GLRA2: variants seen among roughly 807,000 people sequenced by gnomAD.
GLRA2 encodes the protein glycine receptor alpha 2.
GLRA2 carries 11 observed loss-of-function variants against 31.6 expected under a neutral mutation model. The observed-to-expected ratio is 0.35, with a 90% CI of 0.22 to 0.58. GLRA2 has a LOEUF of 0.58. Among genes scored for constraint, GLRA2 ranks in the 20% least tolerant of loss-of-function variants. The pLI is 0.84. For missense variants in GLRA2, 212 were observed against 351.8 expected (o/e 0.60, Z 3.18); for synonymous variants, 132 against 134.0 (o/e 0.99, Z 0.10).
At chrX:14,545,354 A>T (rs191916946) in intron 2 of GLRA2, among the ~76,000 whole-genome samples, 2 of 111,327 alleles carry the variant, frequency 1.8e-5, no homozygotes, top group East Asian at 5.8e-4. Flanking sequence ...GACTGAATTC[A>T]TCCTTTTATC....
intron 2 of GLRA2, among the ~76,000 whole-genome samples, chrX:14,565,758 T>A (rs899814230): frequency 6.3e-5 from 7 of 110,930 alleles, no homozygotes; most frequent in African/African-American, 2.3e-4. Context: ...AAAGAAGAAA[T>A]CACAAGGGAC....
At chrX:14,469,401 T>C in the GLRA2 span, among the ~76,000 whole-genome samples, 1 of 110,320 alleles carries the variant, frequency 9.1e-6, no homozygotes, top group African/African-American at 3.3e-5. Flanking sequence ...CACACGTATG[T>C]TTATTGTGGC....
intron 2 of GLRA2, among the ~76,000 whole-genome samples, chrX:14,564,246 G>A (rs1005297418): frequency 1.8e-5 from 2 of 110,091 alleles, no homozygotes; most frequent in Admixed American, 1.9e-4. Context: ...GGGATCCCTA[G>A]TAAGACTATC....
chrX:14,658,630 C>T (rs951174616), intron 7 of GLRA2, among the ~76,000 whole-genome samples: 12 of 111,043 alleles, frequency 1.1e-4, no homozygotes, highest in African/African-American at 3.6e-4. Context: ...TATTTTTTCT[C>T]CCTACAGTAG....
chrX:14,597,658 A>G (rs1421814594), intron 4 of GLRA2, among the ~76,000 whole-genome samples: 1 of 112,029 alleles, frequency 8.9e-6, no homozygotes, highest in African/African-American at 3.3e-5. Flanking sequence ...TAAGGTGTCT[A>G]TGACCAACTC....
chrX:14,574,568 G>A (rs778759245), intron 3 of GLRA2, 168 bp downstream of exon 3: 1 of 1,139,782 alleles, frequency 8.8e-7, no homozygotes, highest in South Asian at 1.8e-5. Context: ...TGGTGAGTGG[G>A]ACTGAGCATT....
At chrX:14,528,751 T>A (rs2089214108), upstream of GLRA2, among the ~76,000 whole-genome samples, 1 of 111,830 alleles carries the variant, frequency 8.9e-6, no homozygotes, top group Non-Finnish European at 1.9e-5. Context: ...GTTGCACTTT[T>A]CCTTGCTCCA....
At chrX:14,456,988 G>T in the GLRA2 span, among the ~76,000 whole-genome samples, 1 of 111,226 alleles carries the variant, frequency 9.0e-6, no homozygotes, top group Non-Finnish European at 1.9e-5. Context: ...TGTGTAAAAG[G>T]GTTCCTTTTT....
chrX:14,544,930 G>A (rs888992060), intron 2 of GLRA2, among the ~76,000 whole-genome samples: 2 of 111,071 alleles, frequency 1.8e-5, no homozygotes, highest in Non-Finnish European at 3.8e-5. Context: ...GATAAATAAC[G>A]GAGTAGGGGT....
chrX:14,721,254 T>G (rs2091862083), intron 8 of GLRA2, among the ~76,000 whole-genome samples: 1 of 111,288 alleles, frequency 9.0e-6, no homozygotes, highest in Non-Finnish European at 1.9e-5. Context: ...TTTAGAGATG[T>G]ATTGCATAGC....
intron 7 of GLRA2, among the ~76,000 whole-genome samples, chrX:14,619,092 A>T (rs566248439): frequency 9.0e-6 from 1 of 111,229 alleles, no homozygotes; most frequent in East Asian, 2.9e-4. Context: ...TGTTTGATGG[A>T]ATAACTAGCA....
At chrX:14,574,984 T>C (rs1288587660) in intron 3 of GLRA2, among the ~76,000 whole-genome samples, 2 of 109,888 alleles carry the variant, frequency 1.8e-5, no homozygotes, top group Non-Finnish European at 3.8e-5. Flanking sequence ...ATTCAAGATA[T>C]ATTCCAAAGG....
In GLRA2 at chrX:14,609,133, G is replaced by A. The variant is rs1382752968; in HGVS notation, c.858G>A (p.Arg286=). ...FWINMDAAPA[R]VALGITTVLT... Reference sequence around the variant, plus strand: ...TAAATATGGATGCAGCCCCTGCCAGGGTCGCACTGGGCATCACCACAGTCT... The same window carrying A: ...TAAATATGGATGCAGCCCCTGCCAGAGTCGCACTGGGCATCACCACAGTCT... The change falls in exon 7 of 9, where the codon AGG becomes AGA. Residue 286 remains arginine, a synonymous_variant. Transcript: ENST00000218075. The A allele has an allele frequency of 3.3e-6, 4 of 1,202,125 alleles. No individual in the cohort carries two copies. Among genetic ancestry groups the A allele is most frequent in the Non-Finnish European group, 4.5e-6 (4 of 887,589 alleles).
At chrX:14,520,361 T>C in the GLRA2 span, among the ~76,000 whole-genome samples, 5 of 112,418 alleles carry the variant, frequency 4.4e-5, no homozygotes, top group Admixed American at 2.8e-4. Flanking sequence ...AAAGGAGAAA[T>C]CTTTCTAATG....
chrX:14,466,800 C>T, the GLRA2 span, among the ~76,000 whole-genome samples: 1 of 112,038 alleles, frequency 8.9e-6, no homozygotes, highest in Non-Finnish European at 1.9e-5. Context: ...TACTTGATTC[C>T]CCTCTTCCCA....
chrX:14,575,678 C>T (rs188900429), intron 3 of GLRA2, among the ~76,000 whole-genome samples: 222 of 110,957 alleles, frequency 2.0e-3, no homozygotes, highest in African/African-American at 7.0e-3. Context: ...CCAGGCTGGT[C>T]TCAAATTCCT....
intron 2 of GLRA2, among the ~76,000 whole-genome samples, chrX:14,545,429 C>T (rs745848065): frequency 9.0e-6 from 1 of 111,255 alleles, no homozygotes; most frequent in East Asian, 2.9e-4. Flanking sequence ...TTCATGAGGG[C>T]ACAGCCCTCA....
At chrX:14,488,831 A>T in the GLRA2 span, among the ~76,000 whole-genome samples, 13 of 112,211 alleles carry the variant, frequency 1.2e-4, no homozygotes, top group Admixed American at 2.8e-4. Flanking sequence ...TATAATTCCA[A>T]CCTCAACAAA....
intron 7 of GLRA2, among the ~76,000 whole-genome samples, chrX:14,674,773 T>TCC (rs1426971631): frequency 9.2e-6 from 1 of 109,172 alleles, no homozygotes; most frequent in Non-Finnish European, 1.9e-5. Context: ...TCTCTCTCTC[T>TCC]CCCATGCACA....
Sources: gnomAD v4.1 joint callset for allele counts (sites outside exome capture counted in the v4.1 genomes callset) on GRCh38, gnomAD v4.1.1 for gene constraint, MANE v1.5 for transcripts, NCBI Gene and HGNC (gene_info 2026-07-23, HGNC 2026-07-21) for gene names.